Variants in ADAMTS20 observed in about 807,000 individuals in gnomAD.
ADAMTS20 encodes ADAM metallopeptidase with thrombospondin type 1 motif 20.
Under a neutral mutation model 260.1 loss-of-function variants are expected in ADAMTS20, and 225 were observed. The ratio of observed to expected loss-of-function variants is 0.87; its 90% CI spans 0.78 to 0.97. The LOEUF is 0.97. Ranked by LOEUF, ADAMTS20 falls within the 50% of genes least tolerant of loss-of-function variation. The probability of loss-of-function intolerance (pLI) is 0.00; values close to 1 mark genes in which losing one functional copy is unlikely to be tolerated. For synonymous variants in ADAMTS20, 802 were observed against 769.5 expected, an observed-to-expected ratio of 1.04 and a Z score of -0.70; for missense variants, 2,400 against 2,337.7, an observed-to-expected ratio of 1.03 and a Z score of -0.55.
intron 7 of ADAMTS20, among the ~76,000 whole-genome samples, chr12:43,474,189 C>G (rs1384912904): frequency 7.0e-6 from 1 of 142,260 alleles, no homozygotes; most frequent in African/African-American, 2.6e-5. Context: ...TACAAACTAC[C>G]ATCAGAGAAT....
At chr12:43,456,223 C>T (rs1057273302) in intron 11 of ADAMTS20, among the ~76,000 whole-genome samples, 2 of 152,024 alleles carry the variant, frequency 1.3e-5, no homozygotes, top group Admixed American at 6.5e-5. Context: ...TAAAAAAGAA[C>T]AAAGACAATA....
At chr12:43,538,493 C>T (rs746978264) in intron 2 of ADAMTS20, among the ~76,000 whole-genome samples, 3 of 152,104 alleles carry the variant, frequency 2.0e-5, no homozygotes, top group Non-Finnish European at 2.9e-5. Context: ...TGATTGTATC[C>T]TTTGCTGTGC....
chr12:43,524,050 T>A (rs1943108259), intron 3 of ADAMTS20, among the ~76,000 whole-genome samples: 1 of 150,726 alleles, frequency 6.6e-6, no homozygotes, highest in Non-Finnish European at 1.5e-5. Flanking sequence ...TAGAGGCCAA[T>A]TGACACAGTC....
At chr12:43,511,476 A>G (rs536152978) in intron 3 of ADAMTS20, among the ~76,000 whole-genome samples, 24 of 152,242 alleles carry the variant, frequency 1.6e-4, no homozygotes, top group Non-Finnish European at 3.2e-4. Flanking sequence ...TGCTCAGTAA[A>G]TGTTCGTGGA....
At chr12:43,406,741 T>C (rs940672165) in intron 28 of ADAMTS20, among the ~76,000 whole-genome samples, 1 of 152,092 alleles carries the variant, frequency 6.6e-6, no homozygotes, top group Non-Finnish European at 1.5e-5. Flanking sequence ...GATATGAGTT[T>C]ATACAACTAC....
At chr12:43,403,347 TA>T (rs1365063756) in intron 28 of ADAMTS20, among the ~76,000 whole-genome samples, 1 of 152,080 alleles carries the variant, frequency 6.6e-6, no homozygotes, top group African/African-American at 2.4e-5. Context: ...AATAAGGAAA[TA>T]AAATTCATTT....
intron 29 of ADAMTS20, among the ~76,000 whole-genome samples, chr12:43,398,119 T>C (rs1227877320): frequency 6.6e-6 from 1 of 152,150 alleles, no homozygotes; most frequent in Non-Finnish European, 1.5e-5. Flanking sequence ...CTAGGCCCTT[T>C]AAGAAATAGA....
intron 28 of ADAMTS20, among the ~76,000 whole-genome samples, chr12:43,416,765 G>T (rs575399956): frequency 9.9e-5 from 15 of 151,770 alleles, no homozygotes; most frequent in African/African-American, 3.1e-4. Flanking sequence ...CTCGTGATCC[G>T]ACCGCCTCGG....
chr12:43,365,476 T>G (rs189833037), intron 37 of ADAMTS20, among the ~76,000 whole-genome samples: 4 of 152,136 alleles, frequency 2.6e-5, no homozygotes, highest in African/African-American at 9.6e-5. Flanking sequence ...TGTAATATAT[T>G]TGACAATAAT....
intron 4 of ADAMTS20, among the ~76,000 whole-genome samples, chr12:43,500,244 G>A (rs780202809): frequency 6.6e-6 from 1 of 152,050 alleles, no homozygotes; most frequent in African/African-American, 2.4e-5. Flanking sequence ...GGCCAGACTG[G>A]TCTCGAACTC....
At chr12:43,468,192 C>A (rs1216391176) in intron 8 of ADAMTS20, among the ~76,000 whole-genome samples, 2 of 152,114 alleles carry the variant, frequency 1.3e-5, no homozygotes, top group African/African-American at 2.4e-5. Flanking sequence ...TCTGTTGGGG[C>A]ACATTACTGA....
chr12:43,466,136 C>T (rs1592083437), intron 9 of ADAMTS20, among the ~76,000 whole-genome samples: 1 of 151,972 alleles, frequency 6.6e-6, no homozygotes, highest in Non-Finnish European at 1.5e-5. Context: ...TACTACCTCT[C>T]TGCAGAGCTA....
chr12:43,519,005 C>G (rs1943036458), intron 3 of ADAMTS20, among the ~76,000 whole-genome samples: 1 of 151,928 alleles, frequency 6.6e-6, no homozygotes, highest in African/African-American at 2.4e-5. Flanking sequence ...ACTGCAGTAC[C>G]TCCTAATTGA....
At chr12:43,463,042 AC>A in intron 10 of ADAMTS20, 43 bp from the exon 11 acceptor site, 1 of 1,333,084 alleles carries the variant, frequency 7.5e-7, no homozygotes, top group Non-Finnish European at 1.1e-6. Context: ...TAAAGATAAC[AC>A]CACAACACTG....
intron 11 of ADAMTS20, among the ~76,000 whole-genome samples, chr12:43,459,222 C>T (rs764438400): frequency 5.9e-5 from 9 of 152,166 alleles, no homozygotes; most frequent in Non-Finnish European, 1.3e-4. Flanking sequence ...TCCATCCCTC[C>T]GGATCCAACA....
At chr12:43,372,308 C>T (rs1940124548) in intron 36 of ADAMTS20, among the ~76,000 whole-genome samples, 1 of 152,088 alleles carries the variant, frequency 6.6e-6, no homozygotes, top group African/African-American at 2.4e-5. Context: ...AAGAAAGACA[C>T]AAAACCATTA....
intron 3 of ADAMTS20, among the ~76,000 whole-genome samples, chr12:43,522,759 T>C (rs1017057296): frequency 3.3e-5 from 5 of 152,236 alleles, no homozygotes; most frequent in African/African-American, 1.2e-4. Flanking sequence ...TCATGGGTTT[T>C]TAATTGCTTG....
At chr12:43,449,056 C>G (rs1941814213) in intron 14 of ADAMTS20, among the ~76,000 whole-genome samples, 1 of 152,126 alleles carries the variant, frequency 6.6e-6, no homozygotes, top group Admixed American at 6.6e-5. Context: ...TTGGTTCAAC[C>G]ACTGTGGAAA....
chr12:43,502,247 G>T lies in ADAMTS20; in HGVS notation c.772C>A (p.Pro258Thr), dbSNP rs1252334637. ...HSRKKRLISYPRYIEIMVTAD... is the reference protein window; with the variant it reads ...HSRKKRLISYTRYIEIMVTAD... ...GTAACCATAATTTCAATGTATCTTGGATATGATATAAGACGTTTTTTCCTG... is the reference window on the plus strand; with the variant it reads ...GTAACCATAATTTCAATGTATCTTGTATATGATATAAGACGTTTTTTCCTG... The change falls in exon 4 of 39, where the codon CCA becomes ACA. Residue 258 changes from proline (P) to threonine (T), a missense_variant. Physicochemically the swap from Pro to Thr is conservative, Grantham distance 38. Coordinates refer to ENST00000389420, the MANE Select transcript of ADAMTS20 (RefSeq NM_025003.5). 6.2e-7 allele frequency: 1 copy of T among 1,611,646 alleles called. No homozygotes were observed. Among genetic ancestry groups the T allele is most frequent in the East Asian group, 2.2e-5 (1 of 44,744 alleles).
Sources: allele counts gnomAD v4.1 joint callset (sites outside exome capture counted in the v4.1 genomes callset), GRCh38; gene constraint gnomAD v4.1.1; transcripts MANE v1.5; gene names NCBI Gene and HGNC (gene_info 2026-07-23, HGNC 2026-07-21).